Variants in WDPCP observed in about 807,000 individuals in gnomAD.
The protein encoded by WDPCP is WD repeat-containing and planar cell polarity effector protein fritz homolog.
Under a neutral mutation model 93.1 loss-of-function variants are expected in WDPCP, and 71 were observed. The observed-to-expected ratio is 0.76, with a 90% confidence interval of 0.63 to 0.93. WDPCP has a LOEUF of 0.93. Among genes scored for constraint, WDPCP ranks in the 40% least tolerant of loss-of-function variants. WDPCP has a pLI of 0.00. For missense variants in WDPCP, 844 were observed against 887.4 expected (o/e 0.95, Z 0.62); for synonymous variants, 315 against 315.0 (o/e 1.00, Z 0.00).
At chr2:63,307,047 C>T (rs766058223) in intron 13 of WDPCP, among the ~76,000 whole-genome samples, 32 of 152,176 alleles carry the variant, frequency 2.1e-4, no homozygotes, top group Admixed American at 9.8e-4. Context: ...AGCAAAGTCT[C>T]GGGATACAAA....
At chr2:63,122,639 T>C (rs1669623776) in intron 17 of WDPCP, among the ~76,000 whole-genome samples, 1 of 152,162 alleles carries the variant, frequency 6.6e-6, no homozygotes, top group Non-Finnish European at 1.5e-5. Context: ...GAAGATCTTA[T>C]GGGCTTCTGA....
At chr2:63,718,315 T>C (rs1244209304) in intron 2 of WDPCP, among the ~76,000 whole-genome samples, 1 of 152,186 alleles carries the variant, frequency 6.6e-6, no homozygotes, top group Non-Finnish European at 1.5e-5. Flanking sequence ...TATCTTTAGT[T>C]ATTTGAGAAA....
chr2:63,588,835 G>C, upstream of WDPCP: 1 of 623,280 alleles, frequency 1.6e-6, no homozygotes, highest in Non-Finnish European at 2.8e-6. Context: ...GTATCGGGAA[G>C]TGTAGTTCAA....
Position 63,785,307 on chromosome 2 carries a change from C to T in WDPCP, n.308+28315G>A, listed in dbSNP as rs1478221088. On this transcript the variant is annotated intron_variant and non_coding_transcript_variant, in intron 2 of 4. Transcript: ENST00000467687. ...TCTCCCCCTCTGCTTCTTTTGTACA[C>T]ACCTAGGCTGGCTACTTAGCATGAA... is the stretch of plus-strand genomic sequence containing the variant. Among the ~76,000 whole-genome samples the T allele has an allele frequency of 2.6e-5, 4 of 152,168 alleles. No individual in the cohort carries two copies. The East Asian group carries it at 7.7e-4, about 29-fold the overall frequency.
At chr2:63,757,586 T>C (rs574614611) in intron 2 of WDPCP, among the ~76,000 whole-genome samples, 18 of 152,294 alleles carry the variant, frequency 1.2e-4, no homozygotes, top group South Asian at 4.1e-4. Context: ...ATCTCAGAAA[T>C]AGAGCAAATC....
intron 14 of WDPCP, among the ~76,000 whole-genome samples, chr2:63,210,467 G>A (rs1346869983): frequency 2.0e-5 from 3 of 152,178 alleles, no homozygotes; most frequent in Admixed American, 6.5e-5. Context: ...AATAGTTAAT[G>A]TAGGGGGAAG....
At chr2:63,554,668 T>C (rs985938785) in intron 1 of WDPCP, among the ~76,000 whole-genome samples, 3 of 151,452 alleles carry the variant, frequency 2.0e-5, no homozygotes, top group African/African-American at 7.3e-5. Flanking sequence ...AAAAAAAGAT[T>C]AATAAATATT....
At chr2:63,140,333 T>A (rs576010772) in intron 17 of WDPCP, among the ~76,000 whole-genome samples, 2 of 152,322 alleles carry the variant, frequency 1.3e-5, no homozygotes, top group Admixed American at 1.3e-4. Flanking sequence ...GAATTGTTTT[T>A]TCTAATTTTG....
intron 1 of WDPCP, among the ~76,000 whole-genome samples, chr2:63,580,293 T>C (rs1175691585): frequency 6.6e-6 from 1 of 152,220 alleles, no homozygotes; most frequent in Middle Eastern, 3.4e-3. Flanking sequence ...AAATAATCAA[T>C]AAGTGCTAAA....
At chr2:63,433,959 C>A (rs752962549) in intron 8 of WDPCP, 23 bp from the exon 9 acceptor site, 1 of 1,608,556 alleles carries the variant, frequency 6.2e-7, no homozygotes, top group Non-Finnish European at 8.5e-7. Flanking sequence ...AAAAAGCATA[C>A]ATGAAACATT....
Position 63,654,430 on chromosome 2 carries a change from AT to A in WDPCP, n.309-3593del, listed in dbSNP as rs1710142293. Among the ~76,000 whole-genome samples the A allele has an allele frequency of 3.3e-5, 5 of 152,260 alleles. No individual in the cohort carries two copies. The South Asian group carries it at 1.0e-3, about 31-fold the overall frequency. On this transcript the variant is annotated intron_variant and non_coding_transcript_variant, in intron 2 of 4. Coordinates refer to the WDPCP transcript ENST00000467687. Reference sequence around the variant, plus strand: ...ATTTGTCACTAATTGGAAGATGAAAATGTGGACAATCAGGCTGAGATGTCCA... The same window carrying A: ...ATTTGTCACTAATTGGAAGATGAAAAGTGGACAATCAGGCTGAGATGTCCA...
chr2:63,330,297 T>A (rs1198986150), intron 12 of WDPCP, among the ~76,000 whole-genome samples: 2 of 152,336 alleles, frequency 1.3e-5, no homozygotes, highest in Admixed American at 1.3e-4. Context: ...AGGTGTTATC[T>A]CTTTGTGCTT....
chr2:63,231,227 C>G (rs1049120807), intron 14 of WDPCP, among the ~76,000 whole-genome samples: 1 of 152,080 alleles, frequency 6.6e-6, no homozygotes, highest in African/African-American at 2.4e-5. Context: ...AGTGTCATAC[C>G]GAATGGGCAA....
At chr2:63,389,103 T>C (rs939036884) in intron 10 of WDPCP, among the ~76,000 whole-genome samples, 1 of 152,016 alleles carries the variant, frequency 6.6e-6, no homozygotes, top group African/African-American at 2.4e-5. Context: ...ATCGTCAGAT[T>C]CACCAAGGTT....
At chr2:63,824,442 G>C (rs1416028008) in intron 1 of WDPCP, among the ~76,000 whole-genome samples, 2 of 150,094 alleles carry the variant, frequency 1.3e-5, no homozygotes, top group Non-Finnish European at 3.0e-5. Context: ...CAGCTACTTG[G>C]GAAGCTGAAG....
intron 3 of WDPCP, among the ~76,000 whole-genome samples, chr2:63,606,371 C>T (rs1357523964): frequency 1.3e-5 from 2 of 151,982 alleles, no homozygotes; most frequent in Non-Finnish European, 2.9e-5. Context: ...GGGACCCTGT[C>T]CCCCAAAAAA....
chr2:63,606,932 C>T (rs1709544231), intron 3 of WDPCP: 3 of 1,612,696 alleles, frequency 1.9e-6, no homozygotes, highest in Non-Finnish European at 2.5e-6. Flanking sequence ...GATCTTACTG[C>T]AAAGGAACTG....
At chr2:63,496,072 T>C (rs375457164) in intron 1 of WDPCP, among the ~76,000 whole-genome samples, 3 of 152,316 alleles carry the variant, frequency 2.0e-5, no homozygotes, top group African/African-American at 7.2e-5. Flanking sequence ...ATAAAAATCA[T>C]ATTCTTCAAT....
In WDPCP at chr2:63,527,789, C is replaced by T. The variant is rs554157539; in HGVS notation, c.76-34849G>A. Reference sequence around the variant, plus strand: ...TTCTAGTTCTAGATCCTTGAGGAATCGCCACACTGTCTTCCACAGTGGTTG... The same window carrying T: ...TTCTAGTTCTAGATCCTTGAGGAATTGCCACACTGTCTTCCACAGTGGTTG... On this transcript the variant is annotated intron_variant, in intron 1 of 17. Transcript: ENST00000272321. Among the ~76,000 whole-genome samples, 425 of 152,100 alleles carry T rather than the reference C, an allele frequency of 2.8e-3. 1 individual carries two copies. Among genetic ancestry groups the T allele is most frequent in the Non-Finnish European group, 3.3e-3 (221 of 67,998 alleles).
Sources: gnomAD v4.1 joint callset for allele counts (sites outside exome capture counted in the v4.1 genomes callset) on GRCh38, gnomAD v4.1.1 for gene constraint, MANE v1.5 for transcripts, NCBI Gene and HGNC (gene_info 2026-07-23, HGNC 2026-07-21) for gene names.